Variants in CNOT3 observed in about 807,000 individuals in gnomAD.
The protein encoded by CNOT3 is CCR4-associated factor 3.
In CNOT3, 2 loss-of-function variants were observed where a neutral mutation model predicts 89.4. The ratio of observed to expected loss-of-function variants is 0.02; its 90% CI spans 0.01 to 0.07. The LOEUF is 0.07. Among genes scored for constraint, CNOT3 ranks in the 10% least tolerant of loss-of-function variants. The probability of loss-of-function intolerance (pLI) is 1.00; values close to 1 mark genes in which losing one functional copy is unlikely to be tolerated. For missense variants in CNOT3, 664 were observed against 1,010.2 expected (o/e 0.66, Z 4.65); for synonymous variants, 486 against 402.0 (o/e 1.21, Z -2.50).
intron 17 of CNOT3, 142 bp from the exon 18 acceptor site, chr19:54,155,167 A>C (rs1328205611): frequency 2.3e-6 from 2 of 860,554 alleles, no homozygotes; most frequent in Non-Finnish European, 3.6e-6. Flanking sequence ...GTGAGGATGG[A>C]TGAGAGTGTG....
chr19:54,148,775 TG>T lies in CNOT3; in HGVS notation c.1406+34del, dbSNP rs751935301. 153 of 1,600,430 alleles carry T rather than the reference TG, an allele frequency of 9.6e-5. No homozygotes were observed. Among genetic ancestry groups the T allele is most frequent in the Non-Finnish European group, 1.2e-4 (145 of 1,173,390 alleles). ...GTCTCGGCCATCGGCAGGGTTGGGA[TG>T]GCAGCCTTTTGAAACAGAGAGGCGC... On this transcript the variant is annotated intron_variant, in intron 12 of 17. Transcript: ENST00000221232. This position sits in a 1 kb window ranked among gnomAD's most constrained non-coding sequence, Gnocchi z 6.3.
chr19:54,144,205 T>C lies in CNOT3; in HGVS notation c.388-32T>C, dbSNP rs764108416. ...CCCTGGGTGTAGGCGGAACCCTAGC[T>C]GATGGGCTTCCTCTTCCTCTCCCTC... On this transcript the variant is annotated intron_variant, in intron 6 of 17. Transcript: ENST00000221232. This position sits in a 1 kb window ranked among gnomAD's most constrained non-coding sequence, Gnocchi z 4.8. The C allele has an allele frequency of 3.7e-6, 6 of 1,612,402 alleles. No homozygotes were observed. Among genetic ancestry groups the C allele is most frequent in the African/African-American group, 1.3e-5 (1 of 74,144 alleles).
chr19:54,155,484 G>T lies in CNOT3; in HGVS notation c.*77G>T. On this transcript the variant is annotated 3_prime_UTR_variant, in exon 18 of 18. Transcript: ENST00000221232. The stretch of plus-strand genomic sequence containing the variant: ...CCCAGGTGAGGGCCCTGCCCTGGAA[G>T]ACTGGAGGGAGGCCCCAAGCCACGG... 9.3e-7 allele frequency: 1 copy of T among 1,071,122 alleles called. No homozygotes were observed. Among genetic ancestry groups the T allele is most frequent in the Non-Finnish European group, 1.4e-6 (1 of 740,726 alleles). The allele number at this position is 1,071,122 out of a possible 1,614,324, so 66.4% of individuals were successfully genotyped here.
intron 16 of CNOT3, chr19:54,153,442 A>G (rs2146785862): frequency 1.3e-6 from 1 of 772,302 alleles, no homozygotes; most frequent in South Asian, 1.4e-5. Flanking sequence ...GAAATTTTCT[A>G]AATTGCCTCC....
rs778175676 is a variant in CNOT3 at position 54,149,697 on chromosome 19, C to T, written c.1544C>T (p.Ala515Val). ...PSSPTPSFSD[A>V]KAAGALLNGP... ...TCCCCAACGCCCAGCTTCAGTGATG[C>T]CAAGGCAGCCGGTGCCCTGCTCAAT... Residue 515 changes from alanine to valine, a missense_variant, in exon 13 of 18, where the codon GCC becomes GTC. Ala to Val is a moderately conservative substitution (Grantham distance 64). This residue lies in a region of CNOT3 where 545 missense variants were observed against 566.2 expected (regional missense o/e 0.96). Transcript: ENST00000221232. 1.3e-5 allele frequency: 21 copies of T among 1,613,930 alleles called. 1 individual carries two copies. In the South Asian group the frequency reaches 2.2e-4, roughly 17 times the overall value.
intron 1 of CNOT3, among the ~76,000 whole-genome samples, chr19:54,138,386 A>T (rs2074305724): frequency 6.6e-6 from 1 of 152,034 alleles, no homozygotes. Flanking sequence ...GGAAGGATGG[A>T]GGCGCCCCTG....
chr19:54,139,530 G>T (rs587605086), intron 1 of CNOT3, among the ~76,000 whole-genome samples: 2 of 152,156 alleles, frequency 1.3e-5, no homozygotes, highest in African/African-American at 4.8e-5. Flanking sequence ...ACCCTTTCTT[G>T]GTGTCACCTC....
rs1405260334 is a variant in CNOT3 at position 54,144,722 on chromosome 19, G to C, written c.483+390G>C. On this transcript the variant is annotated intron_variant, in intron 7 of 17. Transcript: ENST00000221232. This position sits in a 1 kb window ranked among gnomAD's most constrained non-coding sequence, Gnocchi z 4.8. ...TCCTAGGGAGAGCACAGTGGGTAGA[G>C]ACAAGGCAGAACATGGAGAAGGCAG... 6.6e-6 allele frequency among the ~76,000 whole-genome samples: 1 copy of C among 152,202 alleles called. No individual in the cohort carries two copies. The highest frequency in any genetic ancestry group is 2.4e-5 in the African/African-American group (1 of 41,444).
chr19:54,146,556 GC>G, intron 9 of CNOT3, 44 bp from the exon 10 acceptor site: 1 of 944,838 alleles, frequency 1.1e-6, no homozygotes, highest in East Asian at 2.4e-5. Context: ...CTCCATCAGA[GC>G]CCCAGAGGTC....
chr19:54,148,120 C>A lies in CNOT3; in HGVS notation c.895-28C>A, dbSNP rs1214047128. On this transcript the variant is annotated intron_variant, in intron 10 of 17. Coordinates refer to ENST00000221232, the MANE Select transcript of CNOT3 (RefSeq NM_014516.4). This position sits in a 1 kb window ranked among gnomAD's most constrained non-coding sequence, Gnocchi z 6.3. ...GGGAGACCAGCTGGCCCACTGGGTCCTGACCCTCTGCTCTCTCCCACCCGC... is the reference window on the plus strand; with the variant it reads ...GGGAGACCAGCTGGCCCACTGGGTCATGACCCTCTGCTCTCTCCCACCCGC... 3 of 1,442,368 alleles carry A rather than the reference C, an allele frequency of 2.1e-6. No homozygotes were observed. The highest frequency in any genetic ancestry group is 2.9e-5 in the African/African-American group (2 of 68,524). 89.3% of individuals were successfully genotyped at this position (1,442,368 alleles called of 1,614,324 possible). A position where few individuals can be genotyped will look rare whatever the true frequency, so the allele number is the denominator to read the frequency against.
At chr19:54,149,447 C>T in intron 12 of CNOT3, 113 bp from the exon 13 acceptor site, 2 of 597,226 alleles carry the variant, frequency 3.3e-6, no homozygotes, top group East Asian at 6.2e-5. Flanking sequence ...TCACCTGCCC[C>T]TCTCAGATCC....
In CNOT3 at chr19:54,144,822, T is replaced by C. The variant is rs587673091; in HGVS notation, c.483+490T>C. On this transcript the variant is annotated intron_variant, in intron 7 of 17. Coordinates refer to ENST00000221232, the MANE Select transcript of CNOT3 (RefSeq NM_014516.4). This position sits in a 1 kb window ranked among gnomAD's most constrained non-coding sequence, Gnocchi z 4.8. ...GGGTCCCAGGTTCTAAAATCCGGGA[T>C]TGTGGGGTATGAGTTCAAAGGGATA... Among the ~76,000 whole-genome samples the C allele has an allele frequency of 2.0e-5, 3 of 151,980 alleles. No individual in the cohort carries two copies. Among genetic ancestry groups the C allele is most frequent in the African/African-American group, 7.2e-5 (3 of 41,404 alleles).
rs778549411 is a variant in CNOT3 at position 54,143,047 on chromosome 19, T to C, written c.25+44T>C. 3 of 1,613,600 alleles carry C rather than the reference T, an allele frequency of 1.9e-6. No individual in the cohort carries two copies. The Admixed American group carries it at 5.0e-5, about 27-fold the overall frequency. On this transcript the variant is annotated intron_variant, in intron 2 of 17. Coordinates refer to ENST00000221232, the MANE Select transcript of CNOT3 (RefSeq NM_014516.4). ...GCTGCACCTGTAGCCACATGCTCCC[T>C]CTTCTGAGGACTGCTCTTTAGATAC...
At chr19:54,146,097 G>A in intron 9 of CNOT3, 54 bp downstream of exon 9, 1 of 1,595,632 alleles carries the variant, frequency 6.3e-7, no homozygotes, top group Non-Finnish European at 8.5e-7. Context: ...CAGGACTCGA[G>A]GAGACAAATC....
chr19:54,153,265 C>G (rs574101003), intron 16 of CNOT3: 1 of 762,560 alleles, frequency 1.3e-6, no homozygotes, highest in South Asian at 1.4e-5. Context: ...TGCCCACTGG[C>G]TCACCCGCGG....
At chr19:54,147,389 G>A (rs587601293) in intron 10 of CNOT3, among the ~76,000 whole-genome samples, 13 of 152,272 alleles carry the variant, frequency 8.5e-5, no homozygotes, top group Admixed American at 2.6e-4. Context: ...TAGTGAGGGC[G>A]GGCAACAGGG....
At chr19:54,139,286 C>T (rs1159186971) in intron 1 of CNOT3, among the ~76,000 whole-genome samples, 3 of 152,142 alleles carry the variant, frequency 2.0e-5, no homozygotes, top group Non-Finnish European at 4.4e-5. Context: ...GGTGTCAGCT[C>T]TCCAAGGACC....
chr19:54,153,941 C>A, intron 17 of CNOT3, 101 bp downstream of exon 17: 1 of 1,452,460 alleles, frequency 6.9e-7, no homozygotes. Context: ...CTCCACCTTT[C>A]AGCTGGCGCA....
intron 16 of CNOT3, 172 bp downstream of exon 16, chr19:54,153,171 C>A: frequency 2.6e-6 from 2 of 766,958 alleles, no homozygotes; most frequent in Non-Finnish European, 4.8e-6. Context: ...TCCCCGTCCC[C>A]GCCTTCCAGC....
Sources: allele counts gnomAD v4.1 joint callset (sites outside exome capture counted in the v4.1 genomes callset), GRCh38; gene constraint gnomAD v4.1.1; regional missense constraint gnomAD v4.1.1; non-coding constraint Gnocchi (gnomAD v3.1); transcripts MANE v1.5; gene names NCBI Gene and HGNC (gene_info 2026-07-23, HGNC 2026-07-21).